MTHFD2L: variants seen among roughly 807,000 people sequenced by gnomAD.
MTHFD2L encodes the protein methylenetetrahydrofolate dehydrogenase (NADP+ dependent) 2 like.
MTHFD2L carries 29 observed loss-of-function variants against 34.9 expected under a neutral mutation model. The ratio of observed to expected loss-of-function variants is 0.83; its 90% confidence interval spans 0.62 to 1.13. The LOEUF is 1.13. Ranked by LOEUF, MTHFD2L falls within the 50% of genes most tolerant of loss-of-function variation. MTHFD2L has a pLI of 0.00. For synonymous variants in MTHFD2L, 167 were observed against 155.7 expected, an observed-to-expected ratio of 1.07 and a Z score of -0.54; for missense variants, 481 against 446.5, an observed-to-expected ratio of 1.08 and a Z score of -0.70.
chr4:74,210,953 C>T (rs1029858520), intron 5 of MTHFD2L, among the ~76,000 whole-genome samples: 1 of 152,030 alleles, frequency 6.6e-6, no homozygotes, highest in Non-Finnish European at 1.5e-5. Flanking sequence ...AAGCAATTGT[C>T]AATGGGAGTT....
chr4:74,142,423 C>T (rs1457737195), intron 1 of MTHFD2L, among the ~76,000 whole-genome samples: 1 of 152,152 alleles, frequency 6.6e-6, no homozygotes, highest in Non-Finnish European at 1.5e-5. Context: ...AGCTTGCCCT[C>T]TTTCCACTAT....
At chr4:74,138,981 T>C (rs753839431) in intron 1 of MTHFD2L, among the ~76,000 whole-genome samples, 28 of 152,218 alleles carry the variant, frequency 1.8e-4, no homozygotes, top group Non-Finnish European at 4.4e-5. Flanking sequence ...AGCTGAGTTA[T>C]AAGCCCAGTG....
At chr4:74,298,831 G>A (rs1578763434) in intron 7 of MTHFD2L, among the ~76,000 whole-genome samples, 1 of 151,888 alleles carries the variant, frequency 6.6e-6, no homozygotes, top group Non-Finnish European at 1.5e-5. Flanking sequence ...ACTCGTTTAG[G>A]TCATGATAAT....
intron 1 of MTHFD2L, among the ~76,000 whole-genome samples, chr4:74,130,360 C>T (rs1451935110): frequency 1.3e-5 from 2 of 152,164 alleles, no homozygotes; most frequent in African/African-American, 4.8e-5. Flanking sequence ...CAAACCTAAT[C>T]CAGCAGCACA....
chr4:74,187,005 CTT>C, intron 3 of MTHFD2L, among the ~76,000 whole-genome samples: 1 of 152,218 alleles, frequency 6.6e-6, no homozygotes, highest in East Asian at 1.9e-4. Context: ...GAGATTCACA[CTT>C]ATATTGATAA....
intron 1 of MTHFD2L, among the ~76,000 whole-genome samples, chr4:74,128,623 T>C (rs1390066886): frequency 1.3e-5 from 2 of 152,152 alleles, no homozygotes; most frequent in Non-Finnish European, 2.9e-5. Flanking sequence ...CATACCTTTG[T>C]AGTATGTTTT....
At chr4:74,188,013 A>G (rs1022115516) in intron 3 of MTHFD2L, among the ~76,000 whole-genome samples, 2 of 152,264 alleles carry the variant, frequency 1.3e-5, no homozygotes, top group African/African-American at 4.8e-5. Context: ...TCCATACAAT[A>G]GAATACTACT....
intron 6 of MTHFD2L, among the ~76,000 whole-genome samples, chr4:74,255,524 A>G (rs1743916107): frequency 2.0e-5 from 3 of 152,182 alleles, no homozygotes; most frequent in Admixed American, 2.0e-4. Flanking sequence ...CAGGGGATAC[A>G]TGTCCAGGTT....
intron 6 of MTHFD2L, chr4:74,268,070 G>C (rs1745534733): frequency 1.0e-6 from 1 of 984,844 alleles, no homozygotes; most frequent in African/African-American, 1.8e-5. Flanking sequence ...CCAGAGAAAA[G>C]AAAAAGAACA....
chr4:74,256,732 A>G (rs1380742828), intron 6 of MTHFD2L, among the ~76,000 whole-genome samples: 1 of 152,140 alleles, frequency 6.6e-6, no homozygotes. Flanking sequence ...GAAACGTATA[A>G]CTATTTGCTA....
At chr4:74,127,675 T>A (rs1722175749) in intron 1 of MTHFD2L, among the ~76,000 whole-genome samples, 1 of 152,146 alleles carries the variant, frequency 6.6e-6, no homozygotes, top group Admixed American at 6.6e-5. Context: ...GTTGATTACA[T>A]ATTTTGTCTA....
In MTHFD2L at chr4:74,175,362, A is replaced by G. The variant is rs1293348036; in HGVS notation, c.410A>G (p.Asp137Gly). ...GACGTAACTGATCAATTGAATATGG[A>G]CCCAAGAGTCAGCGGTATATTAGTT... ...LLDVTDQLNM[D>G]PRVSGILVQL... is the part of the protein sequence containing the mutation. The change falls in exon 3 of 8, where the codon GAC becomes GGC. Residue 137 changes from aspartate (D) to glycine (G), a missense_variant. Asp to Gly is a moderately conservative substitution (Grantham distance 94). Coordinates refer to ENST00000325278, the MANE Select transcript of MTHFD2L (RefSeq NM_001144978.3). The G allele has an allele frequency of 6.2e-7, 1 of 1,612,842 alleles. No homozygotes were observed. Among genetic ancestry groups the G allele is most frequent in the Admixed American group, 1.7e-5 (1 of 59,890 alleles).
At chr4:74,135,119 A>G (rs909689391) in intron 1 of MTHFD2L, among the ~76,000 whole-genome samples, 1 of 151,888 alleles carries the variant, frequency 6.6e-6, no homozygotes, top group African/African-American at 2.4e-5. Context: ...GGAAGGCCTT[A>G]GAGCATCACA....
chr4:74,281,928 A>G (rs1346284774), intron 7 of MTHFD2L, among the ~76,000 whole-genome samples: 1 of 152,104 alleles, frequency 6.6e-6, no homozygotes, highest in Non-Finnish European at 1.5e-5. Context: ...CTCTATGCTC[A>G]GCCATTCACT....
chr4:74,170,448 A>T (rs572594991), intron 1 of MTHFD2L, among the ~76,000 whole-genome samples: 90 of 152,338 alleles, frequency 5.9e-4, no homozygotes, highest in African/African-American at 2.0e-3. Context: ...AAATAGACAT[A>T]AATCATAAAC....
At chr4:74,152,841 T>C (rs1724025960) in intron 1 of MTHFD2L, among the ~76,000 whole-genome samples, 1 of 152,142 alleles carries the variant, frequency 6.6e-6, no homozygotes, top group Admixed American at 6.5e-5. Flanking sequence ...GATACATCAA[T>C]CTCTTAGTTT....
chr4:74,222,310 C>G (rs1196006887), intron 5 of MTHFD2L, among the ~76,000 whole-genome samples: 1 of 150,560 alleles, frequency 6.6e-6, no homozygotes, highest in African/African-American at 2.5e-5. Context: ...TGAACAGTTA[C>G]AGAGGTTGAA....
intron 2 of MTHFD2L, among the ~76,000 whole-genome samples, chr4:74,117,655 G>C (rs1721678241): frequency 6.6e-6 from 1 of 152,210 alleles, no homozygotes; most frequent in Non-Finnish European, 1.5e-5. Context: ...TTTGCAAGAA[G>C]AGTCACTCAG....
chr4:74,146,385 C>T (rs1315369526), intron 1 of MTHFD2L, among the ~76,000 whole-genome samples: 1 of 152,030 alleles, frequency 6.6e-6, no homozygotes. Flanking sequence ...ATAAAATTCA[C>T]CATCATATCC....
Sources: gnomAD v4.1 joint callset for allele counts (sites outside exome capture counted in the v4.1 genomes callset) on GRCh38, gnomAD v4.1.1 for gene constraint, MANE v1.5 for transcripts, NCBI Gene and HGNC (gene_info 2026-07-23, HGNC 2026-07-21) for gene names.